PFKFB2: variants seen among roughly 807,000 people sequenced by gnomAD.
PFKFB2 encodes 6-phosphofructo-2-kinase/fructose-2,6-biphosphatase 2.
Under a neutral mutation model 68.0 loss-of-function variants are expected in PFKFB2, and 53 were observed. That is an observed-to-expected ratio of 0.78 (90% confidence interval 0.63 to 0.98). The LOEUF (loss-of-function observed/expected upper bound fraction) is 0.98, where lower values mean the gene tolerates loss of function less well. PFKFB2 is among the 50% of genes least tolerant of loss of function. PFKFB2 has a pLI of 0.00. For missense variants in PFKFB2, 451 were observed against 642.0 expected (o/e 0.70, Z 3.22); for synonymous variants, 222 against 227.6 (o/e 0.98, Z 0.22).
chr1:207,061,165 T>TTTTATA (rs1398113062), intron 2 of PFKFB2, among the ~76,000 whole-genome samples: 3 of 45,184 alleles, frequency 6.6e-5, no homozygotes, highest in African/African-American at 9.0e-5. Flanking sequence ...ATATATATCT[T>TTTTATA]TATATATATA....
chr1:207,054,071 T>C (rs1682842396), intron 1 of PFKFB2, among the ~76,000 whole-genome samples: 2 of 151,520 alleles, frequency 1.3e-5, no homozygotes, highest in South Asian at 4.2e-4. Flanking sequence ...GCCCGGCTAA[T>C]TTTTGTATTT....
At chr1:207,058,972 G>C (rs868250317) in intron 2 of PFKFB2, among the ~76,000 whole-genome samples, 6 of 152,194 alleles carry the variant, frequency 3.9e-5, no homozygotes, top group Admixed American at 1.3e-4. Flanking sequence ...AGTGGCAGGT[G>C]GTTTTGTTTT....
At chr1:207,057,024 G>T (rs1468170361) in intron 2 of PFKFB2, among the ~76,000 whole-genome samples, 1 of 152,072 alleles carries the variant, frequency 6.6e-6, no homozygotes, top group Non-Finnish European at 1.5e-5. Flanking sequence ...GCTGAAGAAT[G>T]ACTTTAGGGA....
rs368478149 is a variant in PFKFB2 at position 207,035,662 on chromosome 1, C to T, written c.-62+1190C>T. On this transcript the variant is annotated intron_variant, in intron 1 of 5. Transcript: ENST00000545806. ...AGCAAGACCCTGTCTTAAAAACAAACAAACAAACAAACAAAAAAAACAAAA... is the reference window on the plus strand; with the variant it reads ...AGCAAGACCCTGTCTTAAAAACAAATAAACAAACAAACAAAAAAAACAAAA... Among the ~76,000 whole-genome samples, 28 of 146,314 alleles carry T rather than the reference C, an allele frequency of 1.9e-4. 1 individual carries two copies. The highest frequency in any genetic ancestry group is 7.5e-4 in the African/African-American group (27 of 36,136).
At chr1:207,058,017 C>G (rs891139586) in intron 2 of PFKFB2, among the ~76,000 whole-genome samples, 1 of 152,216 alleles carries the variant, frequency 6.6e-6, no homozygotes, top group African/African-American at 2.4e-5. Context: ...AAATGTTCAT[C>G]AGTATTACTA....
Position 207,074,813 on chromosome 1 carries a change from G to T in PFKFB2, c.*2442G>T, listed in dbSNP as rs943288482. On this transcript the variant is annotated 3_prime_UTR_variant, in exon 15 of 15. Coordinates refer to ENST00000367080, the MANE Select transcript of PFKFB2 (RefSeq NM_006212.2). Reference sequence around the variant, plus strand: ...AATGGACATTTGCAATATAGCAACAGTCTGAGTCTAGAAGTGTTCAACCAT... The same window carrying T: ...AATGGACATTTGCAATATAGCAACATTCTGAGTCTAGAAGTGTTCAACCAT... 13 of 985,438 alleles carry T rather than the reference G, an allele frequency of 1.3e-5. No homozygotes were observed. The highest frequency in any genetic ancestry group is 1.7e-5 in the African/African-American group (1 of 57,362). The allele number at this position is 985,438 out of a possible 1,614,324, so 61.0% of individuals were successfully genotyped here. A position where few individuals can be genotyped will look rare whatever the true frequency, so the allele number is the denominator to read the frequency against.
chr1:207,041,203 C>T (rs1682474455), intron 1 of PFKFB2, among the ~76,000 whole-genome samples: 2 of 151,664 alleles, frequency 1.3e-5, no homozygotes, highest in East Asian at 1.9e-4. Flanking sequence ...GCTGGGATTA[C>T]AGGCATGAGC....
Position 207,075,523 on chromosome 1 carries a change from A to G in PFKFB2, c.*3152A>G. 1 of 985,176 alleles carries G rather than the reference A, an allele frequency of 1.0e-6. No individual in the cohort carries two copies. Among genetic ancestry groups the G allele is most frequent in the Non-Finnish European group, 1.2e-6 (1 of 829,688 alleles). The allele number at this position is 985,176 out of a possible 1,614,324, so 61.0% of individuals were successfully genotyped here. On this transcript the variant is annotated 3_prime_UTR_variant, in exon 15 of 15. Transcript: ENST00000367080. The stretch of plus-strand genomic sequence containing the variant: ...TTGGTAATCTGTATACATTACTATG[A>G]CTGTGTCTATCACAAGTCCTACAAA...
rs1273688828 is a variant in PFKFB2 at position 207,072,881 on chromosome 1, A to T, written c.*510A>T. The T allele has an allele frequency of 4.1e-5, 41 of 988,970 alleles. No homozygotes were observed. Among genetic ancestry groups the T allele is most frequent in the Non-Finnish European group, 4.8e-5 (40 of 832,552 alleles). The allele number at this position is 988,970 out of a possible 1,614,324, so 61.3% of individuals were successfully genotyped here. A position where few individuals can be genotyped will look rare whatever the true frequency, so the allele number is the denominator to read the frequency against. On this transcript the variant is annotated 3_prime_UTR_variant, in exon 15 of 15. Transcript: ENST00000367080. Reference sequence around the variant, plus strand: ...TCCCCCACTTTCATGTCCCCTCTGGATTGTCCAGTGTAATGCATGGCATTG... The same window carrying T: ...TCCCCCACTTTCATGTCCCCTCTGGTTTGTCCAGTGTAATGCATGGCATTG...
At position 207,076,615 on chromosome 1, in the gene PFKFB2, G is replaced by T; in HGVS notation, c.*4244G>T. The stretch of plus-strand genomic sequence containing the variant: ...ACTGTCCAGGAGACTGTCTCTAGTT[G>T]GATCTCTGTGCTGACTGACTGACAG... On this transcript the variant is annotated 3_prime_UTR_variant, in exon 15 of 15. Transcript: ENST00000367080. The T allele has an allele frequency of 2.8e-6, 1 of 353,574 alleles. No homozygotes were observed. Among genetic ancestry groups the T allele is most frequent in the Non-Finnish European group, 3.4e-6 (1 of 291,622 alleles). 21.9% of individuals were successfully genotyped at this position (353,574 alleles called of 1,614,324 possible).
intron 1 of PFKFB2, among the ~76,000 whole-genome samples, chr1:207,041,030 G>A (rs981481491): frequency 9.6e-5 from 14 of 145,966 alleles, no homozygotes; most frequent in Non-Finnish European, 1.6e-4. Context: ...CCAGGTTCAC[G>A]CCATTCTCCT....
In PFKFB2 at chr1:207,063,283, G is replaced by A. The variant is rs1683171387; in HGVS notation, c.376-64G>A. Reference sequence around the variant, plus strand: ...GCCTGGCTACCCAGCCCCACCTTGAGTCTGCCCTGGTGGGGTTCTGTTTCT... The same window carrying A: ...GCCTGGCTACCCAGCCCCACCTTGAATCTGCCCTGGTGGGGTTCTGTTTCT... On this transcript the variant is annotated intron_variant, in intron 5 of 14. Transcript: ENST00000367080. The surrounding 1 kb of genome is among the most constrained non-coding windows in gnomAD (Gnocchi z 4.1). 3 of 1,572,444 alleles carry A rather than the reference G, an allele frequency of 1.9e-6. No individual in the cohort carries two copies. Among genetic ancestry groups the A allele is most frequent in the East Asian group, 2.2e-5 (1 of 44,692 alleles).
In PFKFB2 at chr1:207,077,252, G is replaced by T. The variant is rs974941451; in HGVS notation, c.*4881G>T. 1.0e-6 allele frequency: 1 copy of T among 984,810 alleles called. No homozygotes were observed. Among genetic ancestry groups the T allele is most frequent in the African/African-American group, 1.7e-5 (1 of 57,190 alleles). 61.0% of individuals were successfully genotyped at this position (984,810 alleles called of 1,614,324 possible). On this transcript the variant is annotated 3_prime_UTR_variant, in exon 15 of 15. Transcript: ENST00000367080. Reference sequence around the variant, plus strand: ...ATGTTGTATTCCATTGGACAGGGCTGCTATTTTTAGTCAGCCATGCATTTG... The same window carrying T: ...ATGTTGTATTCCATTGGACAGGGCTTCTATTTTTAGTCAGCCATGCATTTG...
intron 13 of PFKFB2, 97 bp downstream of exon 13, chr1:207,071,347 T>C (rs1326790255): frequency 3.4e-6 from 4 of 1,161,594 alleles, no homozygotes; most frequent in Non-Finnish European, 2.6e-6. Context: ...TATCCCTATA[T>C]ACCAGGGAAG....
chr1:207,068,871 C>T (rs555538210), intron 10 of PFKFB2, among the ~76,000 whole-genome samples: 84 of 151,984 alleles, frequency 5.5e-4, no homozygotes, highest in African/African-American at 1.8e-3. Flanking sequence ...CTCAGCCTCC[C>T]GAGTAGCTGG....
At chr1:207,062,518 T>C in intron 3 of PFKFB2, 102 bp from the exon 4 acceptor site, 2 of 1,529,778 alleles carry the variant, frequency 1.3e-6, no homozygotes, top group East Asian at 4.5e-5. Context: ...CTGCCGCTTT[T>C]TTCATCCCCT....
At chr1:207,046,848 T>C (rs1297777803) in intron 2 of PFKFB2, 1 of 152,026 alleles carries the variant, frequency 6.6e-6, no homozygotes, top group African/African-American at 2.4e-5. Flanking sequence ...GACAGAAACA[T>C]ATCAAAACAT....
Position 207,062,027 on chromosome 1 carries a change from G to A in PFKFB2, c.160G>A (p.Val54Met), listed in dbSNP as rs142450533. The change falls in exon 3 of 15, where the codon GTG (valine) becomes ATG (methionine). Residue 54 changes from valine to methionine, a missense_variant. Physicochemically the swap from Val to Met is conservative, Grantham distance 21. Transcript: ENST00000367080. ...TTTGCCAGCCCGGGGTAAAACCTACGTGTCCAAGAAACTAACACGCTACCT... is the reference window on the plus strand; with the variant it reads ...TTTGCCAGCCCGGGGTAAAACCTACATGTCCAAGAAACTAACACGCTACCT... ...IGLPARGKTY[V>M]SKKLTRYLNW... 4.3e-4 allele frequency: 695 copies of A among 1,614,100 alleles called. No homozygotes were observed. Among genetic ancestry groups the A allele is most frequent in the Middle Eastern group, 1.5e-3 (9 of 6,062 alleles).
Position 207,063,363 on chromosome 1 carries a change from A to G in PFKFB2, c.392A>G (p.Asn131Ser). 6 of 1,613,716 alleles carry G rather than the reference A, an allele frequency of 3.7e-6. No homozygotes were observed. Among genetic ancestry groups the G allele is most frequent in the African/African-American group, 1.3e-5 (1 of 75,026 alleles). ...NGQIAVFDAT[N>S]TTRERRDMIL... is the part of the protein sequence containing the mutation. ...TCTTCACAGGTGTTTGATGCCACCA[A>G]TACAACCCGGGAGAGGAGGGACATG... The change falls in exon 6 of 15, where the codon AAT (asparagine) becomes AGT (serine). Residue 131 changes from asparagine (N) to serine (S), a missense_variant. Transcript: ENST00000367080. The surrounding 1 kb of genome is among the most constrained non-coding windows in gnomAD (Gnocchi z 4.1).
Sources: allele counts gnomAD v4.1 joint callset (sites outside exome capture counted in the v4.1 genomes callset), GRCh38; gene constraint gnomAD v4.1.1; non-coding constraint Gnocchi (gnomAD v3.1); transcripts MANE v1.5; gene names NCBI Gene and HGNC (gene_info 2026-07-23, HGNC 2026-07-21).